REEP1: variants seen among roughly 807,000 people sequenced by gnomAD.
The protein encoded by REEP1 is receptor expression-enhancing protein 1.
In REEP1, 22 loss-of-function variants were observed where a neutral mutation model predicts 40.3. That is an observed-to-expected ratio of 0.55 (90% CI 0.39 to 0.78). REEP1 has a LOEUF of 0.78. Among genes scored for constraint, REEP1 ranks in the 30% least tolerant of loss-of-function variants. REEP1 has a pLI of 0.00. For missense variants in REEP1, 280 were observed against 361.1 expected (o/e 0.78, Z 1.82); for synonymous variants, 116 against 139.2 (o/e 0.83, Z 1.17).
chr2:86,289,090 A>G (rs1459040771), intron 1 of REEP1, among the ~76,000 whole-genome samples: 2 of 152,164 alleles, frequency 1.3e-5, no homozygotes, highest in Non-Finnish European at 2.9e-5. Context: ...TAAATTTTAT[A>G]TAGACAAATA....
chr2:86,279,601 G>A (rs954612905), intron 2 of REEP1, among the ~76,000 whole-genome samples: 8 of 152,154 alleles, frequency 5.3e-5, no homozygotes, highest in Admixed American at 5.2e-4. Context: ...GACCCAGGTG[G>A]GCCCCATGTA....
intron 2 of REEP1, among the ~76,000 whole-genome samples, chr2:86,265,874 A>G (rs997711982): frequency 2.6e-5 from 4 of 152,240 alleles, no homozygotes; most frequent in African/African-American, 9.6e-5. Flanking sequence ...CTAAAAGCCC[A>G]GACTTCATCA....
intron 5 of REEP1, among the ~76,000 whole-genome samples, chr2:86,246,646 G>A (rs1675970461): frequency 2.0e-5 from 3 of 151,362 alleles, no homozygotes; most frequent in Admixed American, 2.0e-4. Flanking sequence ...TAAAATTTTT[G>A]TTCAGTGGTT....
chr2:86,282,087 C>T (rs1461915193), intron 2 of REEP1, 83 bp downstream of exon 2: 2 of 906,562 alleles, frequency 2.2e-6, no homozygotes, highest in Non-Finnish European at 3.7e-6. Context: ...GTGCCCATAG[C>T]ACGGAGGGCA....
intron 2 of REEP1, among the ~76,000 whole-genome samples, chr2:86,275,875 T>G (rs1418712149): frequency 1.3e-5 from 2 of 152,198 alleles, no homozygotes. Flanking sequence ...AGGATGAGGT[T>G]CTTGGAAGAA....
rs12988844 is a variant in REEP1, at chr2:86,251,912, A to G, written c.417+45T>C. The G allele has an allele frequency of 0.48, 648,036 of 1,339,318 alleles. 162,092 individuals are homozygous for G. Among genetic ancestry groups the G allele is most frequent in the East Asian group, 0.69 (30,061 of 43,686 alleles). The allele number at this position is 1,339,318 out of a possible 1,614,324, so 83.0% of individuals were successfully genotyped here. A position where few individuals can be genotyped will look rare whatever the true frequency, so the allele number is the denominator to read the frequency against. On this transcript the variant is annotated intron_variant, in intron 5 of 8. Coordinates refer to ENST00000538924, the MANE Select transcript of REEP1 (RefSeq NM_001371279.1). Reference sequence around the variant, plus strand: ...GCACAGGTGATGAGCAGGGCACACTAGAGGGACTGAGACTCATGTAGTTGT... The same window carrying G: ...GCACAGGTGATGAGCAGGGCACACTGGAGGGACTGAGACTCATGTAGTTGT...
intron 1 of REEP1, among the ~76,000 whole-genome samples, chr2:86,296,643 G>T (rs1217806158): frequency 6.6e-6 from 1 of 152,142 alleles, no homozygotes; most frequent in Admixed American, 6.5e-5. Flanking sequence ...GATCACCTGA[G>T]GTCAGGAGTT....
At chr2:86,256,876 T>G (rs1162265888) in intron 3 of REEP1, among the ~76,000 whole-genome samples, 1 of 152,078 alleles carries the variant, frequency 6.6e-6, no homozygotes, top group Non-Finnish European at 1.5e-5. Context: ...CCAGGCATCC[T>G]CCCCAGATAA....
At chr2:86,223,712 C>T (rs986102759) in intron 7 of REEP1, 1 of 149,964 alleles carries the variant, frequency 6.7e-6, no homozygotes, top group Non-Finnish European at 1.5e-5. Context: ...GGACACTGCC[C>T]AGAGGCCACA....
intron 5 of REEP1, among the ~76,000 whole-genome samples, chr2:86,237,057 A>AT (rs1022173747): frequency 1.3e-5 from 2 of 152,104 alleles, no homozygotes; most frequent in African/African-American, 4.8e-5. Flanking sequence ...TTTAAGACGT[A>AT]TTTTTCATCT....
intron 1 of REEP1, among the ~76,000 whole-genome samples, chr2:86,323,494 C>T (rs954423776): frequency 8.5e-5 from 13 of 152,232 alleles, no homozygotes; most frequent in African/African-American, 3.1e-4. Context: ...AGATCAGCAG[C>T]GGCATTAGAT....
chr2:86,216,887 CT>C lies in REEP1; in HGVS notation c.*151del. 1 of 653,960 alleles carries C rather than the reference CT, an allele frequency of 1.5e-6. No homozygotes were observed. Among genetic ancestry groups the C allele is most frequent in the Non-Finnish European group, 2.7e-6 (1 of 374,408 alleles). 40.5% of individuals were successfully genotyped at this position (653,960 alleles called of 1,614,324 possible). A position where few individuals can be genotyped will look rare whatever the true frequency, so the allele number is the denominator to read the frequency against. The stretch of plus-strand genomic sequence containing the variant: ...AAGAAAAGGGGGAAAAAAATAAATC[CT>C]TAAAAGTGGAAGGGGAGAGAGAAAA... On this transcript the variant is annotated 3_prime_UTR_variant, in exon 9 of 9. Transcript: ENST00000538924.
At chr2:86,304,352 C>CTA (rs1455848261) in intron 1 of REEP1, among the ~76,000 whole-genome samples, 3 of 152,182 alleles carry the variant, frequency 2.0e-5, no homozygotes, top group African/African-American at 7.2e-5. Context: ...AGGGGAAAGA[C>CTA]TACGGATGCC....
intron 1 of REEP1, among the ~76,000 whole-genome samples, chr2:86,331,983 A>C (rs1040457702): frequency 6.6e-6 from 1 of 151,950 alleles, no homozygotes; most frequent in Non-Finnish European, 1.5e-5. Flanking sequence ...GCCTATACCA[A>C]ATTACCTTTC....
intron 1 of REEP1, among the ~76,000 whole-genome samples, chr2:86,318,461 T>C (rs1263519075): frequency 1.3e-5 from 2 of 150,924 alleles, no homozygotes; most frequent in Non-Finnish European, 3.0e-5. Flanking sequence ...TGCAGTGGTA[T>C]GATCTCGGCC....
At chr2:86,310,626 C>T (rs1241158027) in intron 1 of REEP1, among the ~76,000 whole-genome samples, 1 of 152,144 alleles carries the variant, frequency 6.6e-6, no homozygotes, top group Admixed American at 6.5e-5. Flanking sequence ...TCAAGATTCT[C>T]CTTCAAGTCA....
intron 1 of REEP1, among the ~76,000 whole-genome samples, chr2:86,317,593 G>A (rs937054647): frequency 6.6e-6 from 1 of 152,216 alleles, no homozygotes; most frequent in South Asian, 2.1e-4. Flanking sequence ...CTAGTACTTT[G>A]CATGAATCAT....
chr2:86,282,470 T>C (rs1027697494), intron 1 of REEP1, among the ~76,000 whole-genome samples: 1 of 152,064 alleles, frequency 6.6e-6, no homozygotes, highest in Non-Finnish European at 1.5e-5. Flanking sequence ...ACCTGTGGTC[T>C]GGCAACATGG....
chr2:86,322,422 C>T (rs1680309309), intron 1 of REEP1, among the ~76,000 whole-genome samples: 1 of 151,980 alleles, frequency 6.6e-6, no homozygotes, highest in South Asian at 2.1e-4. Context: ...GCTCTGTCAC[C>T]CAGGCTGGAA....
Sources: gnomAD v4.1 joint callset for allele counts (sites outside exome capture counted in the v4.1 genomes callset) on GRCh38, gnomAD v4.1.1 for gene constraint, MANE v1.5 for transcripts, NCBI Gene and HGNC (gene_info 2026-07-23, HGNC 2026-07-21) for gene names.